Variants in MTMR9 observed in about 807,000 individuals in gnomAD.
The protein encoded by MTMR9 is myotubularin related protein 9, also known as myotubularin-related protein 9.
Under a neutral mutation model 69.5 loss-of-function variants are expected in MTMR9, and 39 were observed. That is an observed-to-expected ratio of 0.56 (90% CI 0.43 to 0.73). The LOEUF (loss-of-function observed/expected upper bound fraction) is 0.73. Ranked by LOEUF, MTMR9 falls within the 30% of genes least tolerant of loss-of-function variation. The probability of loss-of-function intolerance (pLI) is 0.00; values close to 1 mark genes in which losing one functional copy is unlikely to be tolerated. For missense variants in MTMR9, 900 were observed against 671.2 expected (o/e 1.34, Z -3.77); for synonymous variants, 354 against 240.8 (o/e 1.47, Z -4.35).
At position 11,319,815 on chromosome 8, in the gene MTMR9, C is replaced by T. The variant is rs201540666; in HGVS notation, c.1463C>T (p.Pro488Leu). 1.1e-5 allele frequency: 17 copies of T among 1,614,102 alleles called. No individual in the cohort carries two copies. Among genetic ancestry groups the T allele is most frequent in the East Asian group, 4.5e-5 (2 of 44,884 alleles). Residue 488 changes from proline to leucine, a missense_variant, in exon 9 of 10, where the codon CCG (proline) becomes CTG (leucine). Coordinates refer to ENST00000221086, the MANE Select transcript of MTMR9 (RefSeq NM_015458.4). ...CTTGTCATCTGGCCTTCAGTTGCTC[C>T]GCAGAGTCTTCCACTGTGGGAAGGT... Reference protein sequence around the residue: ...NNLVIWPSVAPQSLPLWEGIF... With the variant: ...NNLVIWPSVALQSLPLWEGIF...
rs1800811859 is a variant in MTMR9 at position 11,324,020 on chromosome 8, T to C, written c.*1232T>C. 1 of 152,218 alleles carries C rather than the reference T, an allele frequency of 6.6e-6. No individual in the cohort carries two copies. The highest frequency in any genetic ancestry group is 2.1e-4 in the South Asian group (1 of 4,836). The allele number at this position is 152,218 out of a possible 1,614,324, so 9.4% of individuals were successfully genotyped here. A position where few individuals can be genotyped will look rare whatever the true frequency, so the allele number is the denominator to read the frequency against. Reference sequence around the variant, plus strand: ...TGGTTCAGTATTTCCCACCTACATTTCTGTTTGGTGACATTGCTCATTTTA... The same window carrying C: ...TGGTTCAGTATTTCCCACCTACATTCCTGTTTGGTGACATTGCTCATTTTA... On this transcript the variant is annotated 3_prime_UTR_variant, in exon 10 of 10. Coordinates refer to ENST00000221086, the MANE Select transcript of MTMR9 (RefSeq NM_015458.4).
downstream of MTMR9, chr8:11,330,969 C>T (rs867487197): frequency 5.4e-5 from 77 of 1,418,482 alleles, 1 homozygote; most frequent in Middle Eastern, 2.6e-4. Context: ...TTGGACTCAG[C>T]GGGAAAATAG....
chr8:11,324,279 C>T lies in MTMR9; in HGVS notation c.*1491C>T, dbSNP rs535469492. 2.0e-5 allele frequency: 3 copies of T among 152,288 alleles called. No homozygotes were observed. In the East Asian group the frequency reaches 5.8e-4, roughly 29 times the overall value. The allele number at this position is 152,288 out of a possible 1,614,324, so 9.4% of individuals were successfully genotyped here. Reference sequence around the variant, plus strand: ...CAAATACTTTTCATCACCAATTGCCCAATTCATCTTTCTTCTGCTTCCTCA... The same window carrying T: ...CAAATACTTTTCATCACCAATTGCCTAATTCATCTTTCTTCTGCTTCCTCA... On this transcript the variant is annotated 3_prime_UTR_variant, in exon 10 of 10. Transcript: ENST00000221086.
chr8:11,310,629 A>G (rs1800159933), intron 6 of MTMR9, among the ~76,000 whole-genome samples: 1 of 152,168 alleles, frequency 6.6e-6, no homozygotes, highest in South Asian at 2.1e-4. Context: ...TTTACCTAAT[A>G]AACTGTGGGA....
At chr8:11,329,532 T>TAC (rs1175400685), downstream of MTMR9, among the ~76,000 whole-genome samples, 1 of 152,240 alleles carries the variant, frequency 6.6e-6, no homozygotes, top group Non-Finnish European at 1.5e-5. Flanking sequence ...GCCGGGCTGG[T>TAC]ATCCAGCTCC....
At position 11,327,548 on chromosome 8, in the gene MTMR9, C is replaced by T. The variant is rs1401518921; in HGVS notation, c.*4760C>T. The T allele has an allele frequency of 6.6e-6, 1 of 152,380 alleles. No individual in the cohort carries two copies. The highest frequency in any genetic ancestry group is 1.5e-5 in the Non-Finnish European group (1 of 67,986). The allele number at this position is 152,380 out of a possible 1,614,324, so 9.4% of individuals were successfully genotyped here. A position where few individuals can be genotyped will look rare whatever the true frequency, so the allele number is the denominator to read the frequency against. On this transcript the variant is annotated 3_prime_UTR_variant, in exon 10 of 10. Coordinates refer to ENST00000221086, the MANE Select transcript of MTMR9 (RefSeq NM_015458.4). ...CACCCTAAATCTCATTGTTTAAAAC[C>T]TTACTGATCTAATACCATCTACACA...
chr8:11,339,471 A>C, the MTMR9 span, among the ~76,000 whole-genome samples: 1 of 152,248 alleles, frequency 6.6e-6, no homozygotes, highest in Non-Finnish European at 1.5e-5. Flanking sequence ...CCAGATCTGT[A>C]GGCCAAATCT....
chr8:11,285,275 A>G, intron 1 of MTMR9: 4 of 532,960 alleles, frequency 7.5e-6, no homozygotes, highest in South Asian at 2.5e-5. Context: ...TGGAGTTCTC[A>G]GGGTTATCGT....
chr8:11,306,323 C>G lies in MTMR9; in HGVS notation c.725C>G (p.Ala242Gly). The change falls in exon 5 of 10, where the codon GCT becomes GGT. Residue 242 changes from alanine to glycine, a missense_variant. Coordinates refer to ENST00000221086, the MANE Select transcript of MTMR9 (RefSeq NM_015458.4). Reference protein sequence around the residue: ...YIIDTRSLNVAQQTRAKGGGF... With the variant: ...YIIDTRSLNVGQQTRAKGGGF... ...ATTGACACCCGATCCCTGAACGTGG[C>G]TCAGCAAACTAGAGCCAAAGGAGGT... 6.2e-7 allele frequency: 1 copy of G among 1,614,050 alleles called. No homozygotes were observed. Among genetic ancestry groups the G allele is most frequent in the Admixed American group, 1.7e-5 (1 of 59,994 alleles).
At chr8:11,294,917 T>C (rs1240279529) in intron 1 of MTMR9, 11 of 210,274 alleles carry the variant, frequency 5.2e-5, no homozygotes, top group Non-Finnish European at 3.7e-5. Context: ...ACAGATCTTT[T>C]TCCTATTCTT....
rs1800857869 is a variant in MTMR9 at position 11,324,865 on chromosome 8, G to A, written c.*2077G>A. 2.0e-5 allele frequency: 3 copies of A among 152,292 alleles called. No individual in the cohort carries two copies. The highest frequency in any genetic ancestry group is 2.0e-4 in the Admixed American group (3 of 15,280). The allele number at this position is 152,292 out of a possible 1,614,324, so 9.4% of individuals were successfully genotyped here. A position where few individuals can be genotyped will look rare whatever the true frequency, so the allele number is the denominator to read the frequency against. On this transcript the variant is annotated 3_prime_UTR_variant, in exon 10 of 10. Coordinates refer to ENST00000221086, the MANE Select transcript of MTMR9 (RefSeq NM_015458.4). ...GAGCGAGACCCTGTGTCTAAGTAAA[G>A]AAAAAGCCAGAAGTGACTCCCACTG...
At chr8:11,286,851 C>T (rs547135654) in intron 1 of MTMR9, among the ~76,000 whole-genome samples, 14 of 152,260 alleles carry the variant, frequency 9.2e-5, no homozygotes, top group African/African-American at 3.4e-4. Context: ...CCAGTCCTCA[C>T]TATTTACTGG....
chr8:11,288,171 T>C (rs1394446386), intron 1 of MTMR9, among the ~76,000 whole-genome samples: 2 of 130,790 alleles, frequency 1.5e-5, no homozygotes, highest in African/African-American at 6.3e-5. Flanking sequence ...GAATAATTAT[T>C]TATTCACCTA....
In MTMR9 at chr8:11,323,967, A is replaced by T. The variant is rs1280075230; in HGVS notation, c.*1179A>T. 1 of 152,200 alleles carries T rather than the reference A, an allele frequency of 6.6e-6. No individual in the cohort carries two copies. Among genetic ancestry groups the T allele is most frequent in the Non-Finnish European group, 1.5e-5 (1 of 68,038 alleles). 9.4% of individuals were successfully genotyped at this position (152,200 alleles called of 1,614,324 possible). A position where few individuals can be genotyped will look rare whatever the true frequency, so the allele number is the denominator to read the frequency against. The stretch of plus-strand genomic sequence containing the variant: ...CAGTGATGACTATTCATGCTCTGCT[A>T]GTCTATGCCTGCAACTCCAAATGTT... On this transcript the variant is annotated 3_prime_UTR_variant, in exon 10 of 10. Coordinates refer to ENST00000221086, the MANE Select transcript of MTMR9 (RefSeq NM_015458.4).
intron 9 of MTMR9, 67 bp from the exon 10 acceptor site, chr8:11,322,558 A>C: frequency 7.4e-7 from 1 of 1,344,278 alleles, no homozygotes; most frequent in Non-Finnish European, 1.0e-6. Context: ...CATCTTATCC[A>C]CAAATGTAAT....
At chr8:11,322,162 A>G (rs561172778) in intron 9 of MTMR9, among the ~76,000 whole-genome samples, 11 of 152,268 alleles carry the variant, frequency 7.2e-5, no homozygotes, top group African/African-American at 2.4e-4. Context: ...TCAAATAACA[A>G]CATATGTGGT....
the MTMR9 span, among the ~76,000 whole-genome samples, chr8:11,339,111 GTCAATCCCCTTAACATTTCTTTTTAAT>G: frequency 3.3e-5 from 5 of 152,210 alleles, no homozygotes; most frequent in Non-Finnish European, 5.9e-5. Flanking sequence ...ATGCAGGGGT[GTCAATCCCCTTAACATTTCTTTTTAAT>G]TCATCAGTCT....
intron 4 of MTMR9, 30 bp downstream of exon 4, chr8:11,305,044 C>G (rs571279636): frequency 1.3e-6 from 2 of 1,599,844 alleles, no homozygotes; most frequent in African/African-American, 2.7e-5. Flanking sequence ...GCTTGATGTA[C>G]TGAAAGGCTT....
rs1222566034 is a variant in MTMR9 at position 11,327,269 on chromosome 8, A to G, written c.*4481A>G. The G allele has an allele frequency of 6.6e-6, 1 of 152,312 alleles. No homozygotes were observed. The highest frequency in any genetic ancestry group is 2.1e-4 in the South Asian group (1 of 4,824). 9.4% of individuals were successfully genotyped at this position (152,312 alleles called of 1,614,324 possible). A position where few individuals can be genotyped will look rare whatever the true frequency, so the allele number is the denominator to read the frequency against. On this transcript the variant is annotated 3_prime_UTR_variant, in exon 10 of 10. Coordinates refer to ENST00000221086, the MANE Select transcript of MTMR9 (RefSeq NM_015458.4). ...TCTTGAACTACACTGTGGAACAGTAATTTGTGCCCAATTTAGTGGAAGATA... is the reference window on the plus strand; with the variant it reads ...TCTTGAACTACACTGTGGAACAGTAGTTTGTGCCCAATTTAGTGGAAGATA...
Sources: gnomAD v4.1 joint callset for allele counts (sites outside exome capture counted in the v4.1 genomes callset) on GRCh38, gnomAD v4.1.1 for gene constraint, MANE v1.5 for transcripts, NCBI Gene and HGNC (gene_info 2026-07-23, HGNC 2026-07-21) for gene names.